GLS: variants seen among roughly 807,000 people sequenced by gnomAD.
The protein encoded by GLS is glutaminase.
A neutral mutation model predicts 86.7 loss-of-function variants in GLS; 36 were observed. The observed-to-expected ratio is 0.42, with a 90% CI of 0.32 to 0.55. The LOEUF is 0.55. Ranked by LOEUF, GLS falls within the 20% of genes least tolerant of loss-of-function variation. The pLI is 0.17. For synonymous variants in GLS, 317 were observed against 305.9 expected (o/e 1.04, Z -0.38); for missense variants, 528 against 833.4 (o/e 0.63, Z 4.51).
intron 14 of GLS, among the ~76,000 whole-genome samples, chr2:190,948,345 T>C (rs567508389): frequency 1.3e-5 from 2 of 152,326 alleles, no homozygotes; most frequent in African/African-American, 4.8e-5. Context: ...GATTTTTTTT[T>C]CTCATGCTTT....
intron 1 of GLS, 65 bp downstream of exon 1, chr2:190,881,535 G>T: frequency 2.8e-6 from 4 of 1,427,882 alleles, no homozygotes; most frequent in Non-Finnish European, 3.8e-6. Context: ...GGCTGTGTGG[G>T]GCCCTGCGGT....
At chr2:190,906,731 T>A (rs1689150209) in intron 6 of GLS, among the ~76,000 whole-genome samples, 2 of 152,154 alleles carry the variant, frequency 1.3e-5, no homozygotes, top group Admixed American at 1.3e-4. Flanking sequence ...CAAAAACAAT[T>A]TGAAGATCTC....
intron 7 of GLS, among the ~76,000 whole-genome samples, chr2:190,912,346 CT>C (rs34419675): frequency 0.14 from 17,678 of 122,286 alleles, 1,080 homozygotes; most frequent in Admixed American, 0.27. Flanking sequence ...TTCACAAGTG[CT>C]TTTTTTTTTT....
At chr2:190,886,689 G>A (rs956129427) in intron 1 of GLS, among the ~76,000 whole-genome samples, 1 of 152,208 alleles carries the variant, frequency 6.6e-6, no homozygotes, top group Non-Finnish European at 1.5e-5. Context: ...GCCAAAGCAG[G>A]TGGATCAGTT....
At chr2:190,919,676 T>C in intron 7 of GLS, 1 of 861,084 alleles carries the variant, frequency 1.2e-6, no homozygotes, top group Non-Finnish European at 1.4e-6. Flanking sequence ...TCAATGAAGT[T>C]GGTAATTTCT....
chr2:190,881,802 T>G, intron 1 of GLS: 1 of 234,714 alleles, frequency 4.3e-6, no homozygotes, highest in Non-Finnish European at 8.3e-6. Context: ...CTCAGCTCCC[T>G]GGCTTGCGGC....
At position 190,965,316 on chromosome 2, in the gene GLS, T is replaced by C. The variant is rs1027603252; in HGVS notation, c.*2330T>C. The C allele has an allele frequency of 2.6e-5, 4 of 152,650 alleles. No individual in the cohort carries two copies. The highest frequency in any genetic ancestry group is 9.7e-5 in the African/African-American group (4 of 41,450). 9.5% of individuals were successfully genotyped at this position (152,650 alleles called of 1,614,324 possible). A position where few individuals can be genotyped will look rare whatever the true frequency, so the allele number is the denominator to read the frequency against. ...CCTTTAGCTGCAGAGCTGGATTAGC[T>C]GTTGACCATTTGATGCTGTTGTCTG... On this transcript the variant is annotated 3_prime_UTR_variant, in exon 18 of 18. Coordinates refer to ENST00000320717, the MANE Select transcript of GLS (RefSeq NM_014905.5). The surrounding 1 kb of genome is among the most constrained non-coding windows in gnomAD (Gnocchi z 5.0).
rs1480551114 is a variant in GLS at position 190,914,279 on chromosome 2, G to C, written c.1038+3958G>C. Among the ~76,000 whole-genome samples, 2 of 152,040 alleles carry C rather than the reference G, an allele frequency of 1.3e-5. No homozygotes were observed. Among genetic ancestry groups the C allele is most frequent in the Non-Finnish European group, 2.9e-5 (2 of 68,010 alleles). Reference sequence around the variant, plus strand: ...TATATGTGATGTTCAGTTTGGTTATGTTAGCAATAACCTGTTAGGCATGCT... The same window carrying C: ...TATATGTGATGTTCAGTTTGGTTATCTTAGCAATAACCTGTTAGGCATGCT... On this transcript the variant is annotated intron_variant, in intron 7 of 17. Coordinates refer to ENST00000320717, the MANE Select transcript of GLS (RefSeq NM_014905.5). This position sits in a 1 kb window ranked among gnomAD's most constrained non-coding sequence, Gnocchi z 4.4.
intron 7 of GLS, among the ~76,000 whole-genome samples, chr2:190,918,012 TCTAGG>T (rs892005210): frequency 1.8e-4 from 28 of 152,166 alleles, no homozygotes; most frequent in African/African-American, 6.3e-4. Context: ...TGTGGTCTTA[TCTAGG>T]CTTGTTATAA....
chr2:190,917,092 C>T (rs1019611812), intron 7 of GLS, among the ~76,000 whole-genome samples: 1 of 152,174 alleles, frequency 6.6e-6, no homozygotes, highest in Non-Finnish European at 1.5e-5. Context: ...AAAGATTTCT[C>T]TGTAGCATGC....
At chr2:190,883,879 C>G (rs1451229286) in intron 1 of GLS, among the ~76,000 whole-genome samples, 1 of 152,100 alleles carries the variant, frequency 6.6e-6, no homozygotes, top group Admixed American at 6.6e-5. Context: ...ACTTTATATT[C>G]TGGAAGGAGG....
intron 3 of GLS, among the ~76,000 whole-genome samples, chr2:190,898,711 A>G (rs972523028): frequency 2.0e-5 from 3 of 152,236 alleles, no homozygotes; most frequent in Admixed American, 1.3e-4. Context: ...GGCTCACCGC[A>G]ACCTCCGCCT....
At chr2:190,936,055 A>T (rs1257908920) in intron 14 of GLS, among the ~76,000 whole-genome samples, 1 of 151,252 alleles carries the variant, frequency 6.6e-6, no homozygotes, top group Admixed American at 6.6e-5. Flanking sequence ...AATTTGTATT[A>T]ATCTGTGGGA....
chr2:190,889,809 T>C (rs1484750960), intron 1 of GLS, among the ~76,000 whole-genome samples: 1 of 152,144 alleles, frequency 6.6e-6, no homozygotes, highest in African/African-American at 2.4e-5. Context: ...CTTTTGTGCT[T>C]TTTACTTTGG....
At chr2:190,941,070 G>T (rs902009439) in intron 14 of GLS, among the ~76,000 whole-genome samples, 9 of 152,094 alleles carry the variant, frequency 5.9e-5, no homozygotes, top group Non-Finnish European at 1.3e-4. Flanking sequence ...ATTATTCACT[G>T]ATAGGTTCTT....
intron 14 of GLS, among the ~76,000 whole-genome samples, chr2:190,948,968 A>G (rs1417671909): frequency 6.6e-6 from 1 of 152,172 alleles, no homozygotes; most frequent in Non-Finnish European, 1.5e-5. Context: ...GCAGCTGGCA[A>G]TAAGCTACAT....
Position 190,913,476 on chromosome 2 carries a change from TTAAAG to T in GLS, c.1038+3156_1038+3160del. ...TTTTTCTCTGTGGTAGCTACTAACT[TTAAAG>T]GAATACTTTTTGTTGTAATCTGTTT... On this transcript the variant is annotated intron_variant, in intron 7 of 17. Coordinates refer to ENST00000320717, the MANE Select transcript of GLS (RefSeq NM_014905.5). The surrounding 1 kb of genome is among the most constrained non-coding windows in gnomAD (Gnocchi z 6.1). 1.0e-6 allele frequency: 1 copy of T among 983,176 alleles called. No homozygotes were observed. Among genetic ancestry groups the T allele is most frequent in the Non-Finnish European group, 1.2e-6 (1 of 812,476 alleles). The allele number at this position is 983,176 out of a possible 1,614,324, so 60.9% of individuals were successfully genotyped here.
Position 190,930,665 on chromosome 2 carries a change from G to C in GLS, c.1557+97G>C. 2 of 1,140,934 alleles carry C rather than the reference G, an allele frequency of 1.8e-6. No homozygotes were observed. Among genetic ancestry groups the C allele is most frequent in the Non-Finnish European group, 2.5e-6 (2 of 795,708 alleles). 70.7% of individuals were successfully genotyped at this position (1,140,934 alleles called of 1,614,324 possible). ...ATTTTCCATAGTTCATTAACTCTTG[G>C]CCCTCCGCCTATAGTGTGCCAGTTA... On this transcript the variant is annotated intron_variant, in intron 13 of 17. Transcript: ENST00000320717. The surrounding 1 kb of genome is among the most constrained non-coding windows in gnomAD (Gnocchi z 5.0).
chr2:190,896,390 T>C (rs1041323802), intron 3 of GLS: 1 of 152,222 alleles, frequency 6.6e-6, no homozygotes, highest in Non-Finnish European at 1.5e-5. Flanking sequence ...GACATGTGTG[T>C]AATGGATCCC....
Sources: gnomAD v4.1 joint callset for allele counts (sites outside exome capture counted in the v4.1 genomes callset) on GRCh38, gnomAD v4.1.1 for gene constraint, Gnocchi (gnomAD v3.1) non-coding constraint, MANE v1.5 for transcripts, NCBI Gene and HGNC (gene_info 2026-07-23, HGNC 2026-07-21) for gene names.